The following COL23A1 variants were observed in gnomAD, a reference collection of about 807,000 sequenced individuals.
COL23A1 encodes collagen alpha-1(XXIII) chain.
In COL23A1, 97 loss-of-function variants were observed where a neutral mutation model predicts 99.3. The observed-to-expected ratio is 0.98, with a 90% confidence interval of 0.83 to 1.16. COL23A1 has a LOEUF of 1.16. Among genes scored for constraint, COL23A1 ranks in the 50% most tolerant of loss-of-function variants. The probability of loss-of-function intolerance (pLI) is 0.00; values close to 1 mark genes in which losing one functional copy is unlikely to be tolerated. For synonymous variants in COL23A1, 320 were observed against 308.2 expected, an observed-to-expected ratio of 1.04 and a Z score of -0.40; for missense variants, 762 against 757.4, an observed-to-expected ratio of 1.01 and a Z score of -0.07.
At chr5:178,361,729 C>T (rs993315872) in intron 2 of COL23A1, among the ~76,000 whole-genome samples, 27 of 152,204 alleles carry the variant, frequency 1.8e-4, no homozygotes, top group African/African-American at 4.8e-4. Flanking sequence ...CATGCTGGAC[C>T]TGTGACCCCT....
intron 8 of COL23A1, among the ~76,000 whole-genome samples, chr5:178,264,792 G>A (rs1755781269): frequency 6.6e-6 from 1 of 152,192 alleles, no homozygotes; most frequent in Admixed American, 6.5e-5. Context: ...GAGTAGGTGG[G>A]ATTATTATTA....
intron 6 of COL23A1, 88 bp from the exon 7 acceptor site, chr5:178,268,844 A>G: frequency 7.2e-7 from 1 of 1,392,824 alleles, no homozygotes; most frequent in Non-Finnish European, 9.8e-7. Flanking sequence ...CTGAGGGCAG[A>G]AGGGCCCGTG....
At chr5:178,242,314 C>T in intron 26 of COL23A1, 27 bp downstream of exon 26, 1 of 1,611,226 alleles carries the variant, frequency 6.2e-7, no homozygotes, top group Non-Finnish European at 8.5e-7. Context: ...TCTCCTCCTG[C>T]CCCAGCTCCC....
intron 2 of COL23A1, among the ~76,000 whole-genome samples, chr5:178,335,694 A>G (rs187028449): frequency 3.9e-5 from 6 of 152,330 alleles, no homozygotes; most frequent in Non-Finnish European, 5.9e-5. Flanking sequence ...GCCTGCTTTC[A>G]GCATAGATGG....
intron 2 of COL23A1, among the ~76,000 whole-genome samples, chr5:178,524,958 T>C (rs1760231063): frequency 6.6e-6 from 1 of 152,238 alleles, no homozygotes; most frequent in African/African-American, 2.4e-5. Flanking sequence ...TAACTCTTTA[T>C]GCTACGTGTT....
At chr5:178,324,951 C>T (rs1435810340) in intron 2 of COL23A1, among the ~76,000 whole-genome samples, 1 of 152,014 alleles carries the variant, frequency 6.6e-6, no homozygotes, top group Non-Finnish European at 1.5e-5. Flanking sequence ...TCACTGTCTG[C>T]ACGCTGGCCC....
intron 5 of COL23A1, among the ~76,000 whole-genome samples, chr5:178,272,631 C>A (rs1271700327): frequency 6.6e-6 from 1 of 152,188 alleles, no homozygotes; most frequent in East Asian, 1.9e-4. Context: ...CTCCCAGGAG[C>A]TGCCCTAGCT....
intron 2 of COL23A1, among the ~76,000 whole-genome samples, chr5:178,463,570 T>C (rs1282380466): frequency 6.6e-6 from 1 of 152,188 alleles, no homozygotes; most frequent in Non-Finnish European, 1.5e-5. Context: ...CCCCAACCTA[T>C]GAGGCAGGTA....
intron 2 of COL23A1, among the ~76,000 whole-genome samples, chr5:178,493,244 A>G (rs867521578): frequency 6.6e-6 from 1 of 152,080 alleles, no homozygotes; most frequent in African/African-American, 2.4e-5. Context: ...CAGGCCATAC[A>G]CCATTCCTTA....
intron 2 of COL23A1, among the ~76,000 whole-genome samples, chr5:178,337,510 C>T (rs1174712157): frequency 6.6e-6 from 1 of 152,202 alleles, no homozygotes; most frequent in Admixed American, 6.5e-5. Flanking sequence ...CTCCACACAT[C>T]CAGAGTGGGT....
chr5:178,353,118 C>T (rs1761422662), intron 2 of COL23A1, among the ~76,000 whole-genome samples: 1 of 152,136 alleles, frequency 6.6e-6, no homozygotes, highest in African/African-American at 2.4e-5. Context: ...ACTGCAGCGT[C>T]ACGTTTAATA....
At position 178,316,423 on chromosome 5, in the gene COL23A1, G is replaced by A. The variant is rs148955894; in HGVS notation, c.362-9504C>T. ...TATTTATGATATACAGAGTTTTAACGAAATTTGAACGATTAAAATTAAGCC... is the reference window on the plus strand; with the variant it reads ...TATTTATGATATACAGAGTTTTAACAAAATTTGAACGATTAAAATTAAGCC... On this transcript the variant is annotated intron_variant, in intron 2 of 28. Coordinates refer to ENST00000390654, the MANE Select transcript of COL23A1 (RefSeq NM_173465.4). Among the ~76,000 whole-genome samples the A allele has an allele frequency of 8.8e-3, 1,334 of 152,246 alleles. 26 individuals carry two copies. The highest frequency in any genetic ancestry group is 0.03 in the African/African-American group (1,236 of 41,542).
intron 2 of COL23A1, among the ~76,000 whole-genome samples, chr5:178,400,552 A>G (rs1461921803): frequency 6.6e-6 from 1 of 152,190 alleles, no homozygotes; most frequent in East Asian, 1.9e-4. Flanking sequence ...TAGACATAAC[A>G]TAAAAGTTAC....
At position 178,487,291 on chromosome 5, in the gene COL23A1, T is replaced by TTTTTTTTA. The variant is rs201541060; in HGVS notation, c.361+73390_361+73391insTAAAAAAA. On this transcript the variant is annotated intron_variant, in intron 2 of 28. Transcript: ENST00000390654. ...GCAGTCATGGTACCAGCCTCAGTTTTATTTATTTATTTATTTATTTATTTA... is the reference window on the plus strand; with the variant it reads ...GCAGTCATGGTACCAGCCTCAGTTTTTTTTTTTAATTTATTTATTTATTTATTTATTTA... Among the ~76,000 whole-genome samples the TTTTTTTTA allele has an allele frequency of 2.3e-3, 251 of 109,048 alleles. 3 individuals carry two copies. Among genetic ancestry groups the TTTTTTTTA allele is most frequent in the African/African-American group, 8.3e-3 (224 of 26,846 alleles). 71.5% of individuals were successfully genotyped at this position (109,048 alleles called of 152,430 possible). A position where few individuals can be genotyped will look rare whatever the true frequency, so the allele number is the denominator to read the frequency against.
chr5:178,319,099 G>T (rs535150298), intron 2 of COL23A1, among the ~76,000 whole-genome samples: 2 of 152,284 alleles, frequency 1.3e-5, no homozygotes, highest in South Asian at 4.1e-4. Flanking sequence ...GGTGGCCAGC[G>T]GTGGGTGGGG....
At chr5:178,408,295 C>T (rs1393090517) in intron 2 of COL23A1, among the ~76,000 whole-genome samples, 2 of 152,140 alleles carry the variant, frequency 1.3e-5, no homozygotes, top group Non-Finnish European at 2.9e-5. Flanking sequence ...TTGTCACCAG[C>T]AGACCTACCC....
At chr5:178,325,045 T>C (rs574720268) in intron 2 of COL23A1, among the ~76,000 whole-genome samples, 1 of 152,364 alleles carries the variant, frequency 6.6e-6, no homozygotes, top group Admixed American at 6.5e-5. Context: ...GCTTTGCAGC[T>C]GTGCACTGCA....
At chr5:178,291,103 T>C (rs1317518466) in intron 3 of COL23A1, among the ~76,000 whole-genome samples, 1 of 152,072 alleles carries the variant, frequency 6.6e-6, no homozygotes, top group Non-Finnish European at 1.5e-5. Flanking sequence ...TTGATTATGG[T>C]GGAGTGAGCG....
intron 2 of COL23A1, among the ~76,000 whole-genome samples, chr5:178,515,848 C>T (rs1208763838): frequency 6.6e-6 from 1 of 152,136 alleles, no homozygotes; most frequent in Non-Finnish European, 1.5e-5. Context: ...ACCCACTCCC[C>T]CAGTAACGCA....
Sources: allele counts gnomAD v4.1 joint callset (sites outside exome capture counted in the v4.1 genomes callset), GRCh38; gene constraint gnomAD v4.1.1; transcripts MANE v1.5; gene names NCBI Gene and HGNC (gene_info 2026-07-23, HGNC 2026-07-21).